The following MTA3 variants were observed in gnomAD, a reference collection of about 807,000 sequenced individuals.
The protein encoded by MTA3 is metastasis associated 1 family member 3.
A neutral mutation model predicts 83.5 loss-of-function variants in MTA3; 34 were observed. The ratio of observed to expected loss-of-function variants is 0.41; its 90% CI spans 0.31 to 0.54. The LOEUF (loss-of-function observed/expected upper bound fraction) is 0.54, where lower values mean the gene tolerates loss of function less well. Among genes scored for constraint, MTA3 ranks in the 20% least tolerant of loss-of-function variants. The pLI is 0.33. For missense variants in MTA3, 761 were observed against 726.4 expected, an observed-to-expected ratio of 1.05 and a Z score of -0.55; for synonymous variants, 303 against 252.7, an observed-to-expected ratio of 1.20 and a Z score of -1.89.
intron 3 of MTA3, among the ~76,000 whole-genome samples, chr2:42,587,938 A>G (rs1041096378): frequency 3.3e-5 from 5 of 152,236 alleles, no homozygotes; most frequent in Admixed American, 1.3e-4. Context: ...TAATTATCTT[A>G]TGAATCACTG....
At chr2:42,582,638 A>G (rs1001369291) in intron 3 of MTA3, among the ~76,000 whole-genome samples, 3 of 152,220 alleles carry the variant, frequency 2.0e-5, no homozygotes, top group South Asian at 2.1e-4. Context: ...TAAAAAAATT[A>G]TTGCTGCAAA....
chr2:42,616,309 T>C (rs1209092967), intron 4 of MTA3, among the ~76,000 whole-genome samples: 2 of 151,804 alleles, frequency 1.3e-5, no homozygotes, highest in Non-Finnish European at 2.9e-5. Context: ...GTGATCTGCC[T>C]GCTTTGGCCT....
chr2:42,709,293 A>G, intron 14 of MTA3, 197 bp downstream of exon 14: 7 of 1,409,340 alleles, frequency 5.0e-6, no homozygotes, highest in Non-Finnish European at 6.4e-6. Context: ...AAAAAAATCA[A>G]AACATTGAAA....
At chr2:42,513,549 C>A (rs1025880316) in intron 2 of MTA3, among the ~76,000 whole-genome samples, 1 of 152,182 alleles carries the variant, frequency 6.6e-6, no homozygotes, top group Admixed American at 6.6e-5. Flanking sequence ...CTAAACCTAG[C>A]GAGAGACCCA....
At chr2:42,726,674 G>A (rs1667844935) in intron 16 of MTA3, among the ~76,000 whole-genome samples, 1 of 152,132 alleles carries the variant, frequency 6.6e-6, no homozygotes, top group South Asian at 2.1e-4. Flanking sequence ...TGGGCTAGCA[G>A]AAAGGATTTT....
chr2:42,754,973 A>G lies in MTA3; in HGVS notation c.*1574A>G. The G allele has an allele frequency of 1.0e-6, 1 of 985,392 alleles. No individual in the cohort carries two copies. The highest frequency in any genetic ancestry group is 1.2e-6 in the Non-Finnish European group (1 of 830,012). The allele number at this position is 985,392 out of a possible 1,614,324, so 61.0% of individuals were successfully genotyped here. ...GCAAGGGCGAGCATGGGATGTCTCC[A>G]CCACCACCCACTCTTGGAGCTGTGC... On this transcript the variant is annotated 3_prime_UTR_variant, in exon 17 of 17. Coordinates refer to ENST00000405094, the MANE Select transcript of MTA3 (RefSeq NM_001330442.2).
intron 2 of MTA3, among the ~76,000 whole-genome samples, chr2:42,554,547 C>T (rs1364255725): frequency 6.6e-6 from 1 of 152,080 alleles, no homozygotes; most frequent in African/African-American, 2.4e-5. Context: ...AAAGCACATC[C>T]CTGGGGGCCA....
At chr2:42,527,895 T>A (rs1189860784) in intron 2 of MTA3, among the ~76,000 whole-genome samples, 2 of 151,972 alleles carry the variant, frequency 1.3e-5, no homozygotes, top group African/African-American at 4.8e-5. Flanking sequence ...TGAGATAGCA[T>A]GAGATCTCTC....
chr2:42,639,163 C>T (rs376819341), intron 4 of MTA3, among the ~76,000 whole-genome samples: 80 of 151,280 alleles, frequency 5.3e-4, no homozygotes, highest in African/African-American at 1.6e-3. Context: ...GGGGTTCAAG[C>T]GATTCTCCTG....
intron 2 of MTA3, among the ~76,000 whole-genome samples, chr2:42,504,823 A>G (rs1022109928): frequency 2.0e-5 from 3 of 152,124 alleles, no homozygotes; most frequent in Admixed American, 1.3e-4. Context: ...CAAGCAAAAG[A>G]AACACTCTCT....
In MTA3 at chr2:42,754,531, G is replaced by A; in HGVS notation, c.*1132G>A. ...GGCCACTCAGCTGTGCTGAGTAGCT[G>A]TGCTACTTGTGCTGGCAGCTGCAAG... On this transcript the variant is annotated 3_prime_UTR_variant, in exon 17 of 17. Coordinates refer to ENST00000405094, the MANE Select transcript of MTA3 (RefSeq NM_001330442.2). 1 of 985,298 alleles carries A rather than the reference G, an allele frequency of 1.0e-6. No homozygotes were observed. Among genetic ancestry groups the A allele is most frequent in the Non-Finnish European group, 1.2e-6 (1 of 829,966 alleles). The allele number at this position is 985,298 out of a possible 1,614,324, so 61.0% of individuals were successfully genotyped here. A position where few individuals can be genotyped will look rare whatever the true frequency, so the allele number is the denominator to read the frequency against.
chr2:42,551,836 T>TC (rs1677121818), intron 2 of MTA3, among the ~76,000 whole-genome samples: 1 of 151,818 alleles, frequency 6.6e-6, no homozygotes, highest in Non-Finnish European at 1.5e-5. Flanking sequence ...GAAGCAATTC[T>TC]CTGCCTCAGT....
intron 5 of MTA3, among the ~76,000 whole-genome samples, chr2:42,643,656 T>C (rs982000933): frequency 1.3e-5 from 2 of 152,232 alleles, no homozygotes; most frequent in African/African-American, 4.8e-5. Context: ...TCATGCAGTT[T>C]AATGTGAGAT....
At chr2:42,630,949 T>C (rs190956337) in intron 4 of MTA3, among the ~76,000 whole-genome samples, 88 of 152,320 alleles carry the variant, frequency 5.8e-4, no homozygotes, top group African/African-American at 2.1e-3. Context: ...AAATAAATAG[T>C]AGTGCTAACT....
chr2:42,573,823 T>C (rs887500552), intron 2 of MTA3, among the ~76,000 whole-genome samples: 1 of 151,458 alleles, frequency 6.6e-6, no homozygotes, highest in African/African-American at 2.4e-5. Flanking sequence ...TCTTTCTTTC[T>C]TTCTTTCTTT....
intron 9 of MTA3, among the ~76,000 whole-genome samples, chr2:42,689,579 C>A (rs1224298981): frequency 1.3e-5 from 2 of 152,002 alleles, no homozygotes; most frequent in Non-Finnish European, 2.9e-5. Context: ...TTTATTGTTA[C>A]CTCTTTCTTC....
rs1382015679 is a variant in MTA3 at position 42,568,707 on chromosome 2, G to T, written c.-39G>T. 3 of 1,204,846 alleles carry T rather than the reference G, an allele frequency of 2.5e-6. No individual in the cohort carries two copies. Among genetic ancestry groups the T allele is most frequent in the South Asian group, 8.3e-5 (2 of 24,212 alleles). 74.6% of individuals were successfully genotyped at this position (1,204,846 alleles called of 1,614,324 possible). A position where few individuals can be genotyped will look rare whatever the true frequency, so the allele number is the denominator to read the frequency against. On this transcript the variant is annotated 5_prime_UTR_variant, in exon 1 of 17. Transcript: ENST00000405094. ...GCTGAGGAGGAGGCGGCGGCGGCGGGCGGGGCTCGGCTCGGGCTCCGCGGG... is the reference window on the plus strand; with the variant it reads ...GCTGAGGAGGAGGCGGCGGCGGCGGTCGGGGCTCGGCTCGGGCTCCGCGGG...
chr2:42,598,801 A>T (rs113720735), intron 3 of MTA3, among the ~76,000 whole-genome samples: 18 of 152,296 alleles, frequency 1.2e-4, no homozygotes, highest in African/African-American at 3.6e-4. Flanking sequence ...AGCCCCTACA[A>T]ATCATAAGAC....
intron 2 of MTA3, among the ~76,000 whole-genome samples, chr2:42,528,502 G>A (rs1257324918): frequency 6.6e-6 from 1 of 152,240 alleles, no homozygotes; most frequent in Non-Finnish European, 1.5e-5. Context: ...TTACAGGCAT[G>A]AGCCACCGCG....
Sources: gnomAD v4.1 joint callset for allele counts (sites outside exome capture counted in the v4.1 genomes callset) on GRCh38, gnomAD v4.1.1 for gene constraint, MANE v1.5 for transcripts, NCBI Gene and HGNC (gene_info 2026-07-23, HGNC 2026-07-21) for gene names.